The following NCOR2 variants were observed in gnomAD, a reference collection of about 807,000 sequenced individuals.
NCOR2 encodes nuclear receptor corepressor 2, also known as CTG repeat protein 26.
NCOR2 carries 81 observed loss-of-function variants against 262.9 expected under a neutral mutation model. The observed-to-expected ratio is 0.31, with a 90% CI of 0.26 to 0.37. The LOEUF is 0.37. NCOR2 is among the 10% of genes least tolerant of loss of function. The pLI, the probability that NCOR2 is intolerant of heterozygous loss-of-function variation, is 1.00. For synonymous variants in NCOR2, 1,659 were observed against 1,559.3 expected (o/e 1.06, Z -1.51); for missense variants, 3,385 against 3,621.4 (o/e 0.93, Z 1.68).
At position 124,419,122 on chromosome 12, in the gene NCOR2, C is replaced by T. The variant is rs79872380; in HGVS notation, c.1482+835G>A. On this transcript the variant is annotated intron_variant, in intron 13 of 46. Transcript: ENST00000405201. Reference sequence around the variant, plus strand: ...AAAACAAATTCTCCCAAACACCGAGCGCCCAGGATCCCCCTTTCAAAGGCG... The same window carrying T: ...AAAACAAATTCTCCCAAACACCGAGTGCCCAGGATCCCCCTTTCAAAGGCG... Among the ~76,000 whole-genome samples the T allele has an allele frequency of 6.8e-3, 1,035 of 151,922 alleles. 12 individuals carry two copies. The highest frequency in any genetic ancestry group is 0.024 in the African/African-American group (996 of 41,202).
rs979966150 is a variant in NCOR2 at position 124,549,499 on chromosome 12, C to T, written c.-164-13888G>A. 6.6e-6 allele frequency among the ~76,000 whole-genome samples: 1 copy of T among 152,014 alleles called. No homozygotes were observed. The highest frequency in any genetic ancestry group is 2.4e-5 in the African/African-American group (1 of 41,362). ...CCCCTGCAGTAGAAACCCCCACCCG[C>T]GAGGCCAGGCACAGAGAAGGTACCA... On this transcript the variant is annotated intron_variant, in intron 1 of 32. Coordinates refer to the NCOR2 transcript ENST00000458234. This position sits in a 1 kb window ranked among gnomAD's most constrained non-coding sequence, Gnocchi z 4.4.
chr12:124,369,620 TCAGCAGGCTGGCCAGAGTC>T (rs2039328791), intron 20 of NCOR2, among the ~76,000 whole-genome samples: 1 of 150,516 alleles, frequency 6.6e-6, no homozygotes, highest in Non-Finnish European at 1.5e-5. Flanking sequence ...CAGGACGAGG[TCAGCAGGCTGGCCAGAGTC>T]CAGCCTCGTT....
chr12:124,476,832 G>C (rs547089741), intron 3 of NCOR2, among the ~76,000 whole-genome samples: 1 of 151,316 alleles, frequency 6.6e-6, no homozygotes, highest in Admixed American at 6.6e-5. Context: ...CATGGAGGCC[G>C]AGGCAGGAGG....
chr12:124,332,608 TAGA>T (rs1381607990), intron 42 of NCOR2, 141 bp from the exon 45 acceptor site: 2 of 1,098,352 alleles, frequency 1.8e-6, no homozygotes, highest in Non-Finnish European at 2.6e-6. Context: ...CCCTGCCTGG[TAGA>T]AGATCACGGC....
chr12:124,327,728 A>AGG, intron 44 of NCOR2, 95 bp from the exon 47 acceptor site: 1 of 819,972 alleles, frequency 1.2e-6, no homozygotes, highest in South Asian at 1.7e-5. Flanking sequence ...AGAGAGAGGG[A>AGG]AGGAGGAGGA....
At position 124,548,170 on chromosome 12, in the gene NCOR2, G is replaced by C. The variant is rs2051598217; in HGVS notation, c.-164-12559C>G. On this transcript the variant is annotated intron_variant, in intron 1 of 32. Transcript: ENST00000458234. The surrounding 1 kb of genome is among the most constrained non-coding windows in gnomAD (Gnocchi z 5.1). ...ACATCAGGCCTCCTAAACGTGCACT[G>C]AGCTGGGACCTGAATGGCAGCAAGG... Among the ~76,000 whole-genome samples the C allele has an allele frequency of 6.6e-6, 1 of 152,064 alleles. No individual in the cohort carries two copies. Among genetic ancestry groups the C allele is most frequent in the Non-Finnish European group, 1.5e-5 (1 of 67,988 alleles).
intron 1 of NCOR2, among the ~76,000 whole-genome samples, chr12:124,520,800 C>G (rs1354187547): frequency 6.6e-6 from 1 of 152,180 alleles, no homozygotes; most frequent in African/African-American, 2.4e-5. Context: ...CTCCATACTT[C>G]GAAAAAGCAT....
intron 6 of NCOR2, among the ~76,000 whole-genome samples, chr12:124,450,151 C>T (rs1045139673): frequency 1.2e-4 from 19 of 152,242 alleles, no homozygotes; most frequent in Non-Finnish European, 2.9e-5. Context: ...GAAGGGGCCA[C>T]AGCCCAGAGC....
At chr12:124,519,298 C>T (rs932518135) in intron 1 of NCOR2, among the ~76,000 whole-genome samples, 9 of 152,114 alleles carry the variant, frequency 5.9e-5, no homozygotes, top group East Asian at 1.9e-4. Context: ...AGAGATGAGG[C>T]GCCAGAGGAA....
intron 8 of NCOR2, among the ~76,000 whole-genome samples, chr12:124,434,654 A>G (rs773620609): frequency 6.6e-6 from 1 of 152,142 alleles, no homozygotes; most frequent in Non-Finnish European, 1.5e-5. Flanking sequence ...CTTCACCCCA[A>G]GGGGGGAACC....
intron 7 of NCOR2, among the ~76,000 whole-genome samples, chr12:124,438,428 C>T (rs895814245): frequency 6.6e-5 from 10 of 152,008 alleles, no homozygotes; most frequent in Admixed American, 3.3e-4. Flanking sequence ...CCTGTGTGGC[C>T]CCAGGATTGG....
At chr12:124,402,287 C>G (rs889924640) in intron 14 of NCOR2, 117 bp downstream of exon 16, 33 of 1,540,980 alleles carry the variant, frequency 2.1e-5, no homozygotes, top group Non-Finnish European at 2.9e-5. Flanking sequence ...GCCCTCCCCC[C>G]TGCTCACAGG....
At chr12:124,502,124 GGAGT>G (rs2048773029) in intron 1 of NCOR2, among the ~76,000 whole-genome samples, 1 of 152,218 alleles carries the variant, frequency 6.6e-6, no homozygotes, top group Admixed American at 6.5e-5. Context: ...ATCCAGCTCT[GGAGT>G]GAGTCCTGAG....
intron 2 of NCOR2, among the ~76,000 whole-genome samples, chr12:124,484,819 A>G (rs2047689898): frequency 6.6e-6 from 1 of 152,122 alleles, no homozygotes; most frequent in African/African-American, 2.4e-5. Flanking sequence ...TCCCCCACCC[A>G]TGAATGAACG....
At chr12:124,436,011 G>A (rs1373745520) in intron 8 of NCOR2, among the ~76,000 whole-genome samples, 3 of 152,236 alleles carry the variant, frequency 2.0e-5, no homozygotes, top group Non-Finnish European at 4.4e-5. Flanking sequence ...GGCACCGGAA[G>A]GGCAGGGTGT....
intron 1 of NCOR2, among the ~76,000 whole-genome samples, chr12:124,506,403 G>C (rs768035978): frequency 4.8e-4 from 73 of 152,276 alleles, no homozygotes; most frequent in Middle Eastern, 3.4e-3. Context: ...GAGCGTTCCT[G>C]TCCGCTGGAC....
intron 5 of NCOR2, among the ~76,000 whole-genome samples, chr12:124,459,917 G>T (rs2046075384): frequency 1.3e-5 from 2 of 152,060 alleles, no homozygotes; most frequent in Non-Finnish European, 2.9e-5. Context: ...AGCCACTACT[G>T]CCTCTGAGCC....
intron 7 of NCOR2, among the ~76,000 whole-genome samples, chr12:124,446,951 G>A (rs1307869072): frequency 6.6e-6 from 1 of 152,112 alleles, no homozygotes; most frequent in Non-Finnish European, 1.5e-5. Flanking sequence ...GTCTTGCTCT[G>A]TTGCCCAGGC....
chr12:124,414,728 CCTG>C (rs1202126952), intron 13 of NCOR2, among the ~76,000 whole-genome samples: 53 of 152,330 alleles, frequency 3.5e-4, no homozygotes, highest in Non-Finnish European at 4.4e-5. Flanking sequence ...GCACCCTACC[CCTG>C]AGGGTGGGTG....
Sources: gnomAD v4.1 joint callset for allele counts (sites outside exome capture counted in the v4.1 genomes callset) on GRCh38, gnomAD v4.1.1 for gene constraint, Gnocchi (gnomAD v3.1) non-coding constraint, MANE v1.5 for transcripts, NCBI Gene and HGNC (gene_info 2026-07-23, HGNC 2026-07-21) for gene names.